ELAPOR2: variants seen among roughly 807,000 people sequenced by gnomAD.
ELAPOR2 encodes endosome/lysosome-associated apoptosis and autophagy regulator family member 2.
ELAPOR2 carries 89 observed loss-of-function variants against 120.7 expected under a neutral mutation model. The ratio of observed to expected loss-of-function variants is 0.74; its 90% CI spans 0.62 to 0.88. ELAPOR2 has a LOEUF of 0.88. ELAPOR2 is among the 40% of genes least tolerant of loss of function. ELAPOR2 has a pLI of 0.00. For synonymous variants in ELAPOR2, 444 were observed against 444.9 expected, an observed-to-expected ratio of 1.00 and a Z score of 0.03; for missense variants, 1,134 against 1,251.6, an observed-to-expected ratio of 0.91 and a Z score of 1.42.
At position 86,897,565 on chromosome 7, in the gene ELAPOR2, G is replaced by C; in HGVS notation, c.2626C>G (p.Pro876Ala). ...YFLWESAEAC[P>A]LCTEHDFHEI... Reference sequence around the variant, plus strand: ...TGGAAGTCATGCTCCGTACACAGAGGGCAAGCTTCAGCACTCTCCCACAGG... The same window carrying C: ...TGGAAGTCATGCTCCGTACACAGAGCGCAAGCTTCAGCACTCTCCCACAGG... Residue 876 changes from proline (P) to alanine (A), a missense_variant, in exon 19 of 22, where the codon CCT (proline) becomes GCT (alanine). Transcript: ENST00000450689. 1 of 1,613,148 alleles carries C rather than the reference G, an allele frequency of 6.2e-7. No individual in the cohort carries two copies. The highest frequency in any genetic ancestry group is 8.5e-7 in the Non-Finnish European group (1 of 1,179,402).
intron 1 of ELAPOR2, among the ~76,000 whole-genome samples, chr7:86,994,204 A>G (rs1304327847): frequency 6.6e-6 from 1 of 152,224 alleles, no homozygotes; most frequent in Non-Finnish European, 1.5e-5. Flanking sequence ...AGGGAAGGGC[A>G]AAAACATAAC....
chr7:86,932,479 A>G (rs1378308367), intron 8 of ELAPOR2, among the ~76,000 whole-genome samples: 1 of 151,880 alleles, frequency 6.6e-6, no homozygotes, highest in Non-Finnish European at 1.5e-5. Context: ...CATGTCCCAC[A>G]ATAGGAGGGT....
intron 1 of ELAPOR2, among the ~76,000 whole-genome samples, chr7:87,025,136 A>G (rs1287354966): frequency 2.0e-5 from 3 of 152,112 alleles, no homozygotes; most frequent in Non-Finnish European, 2.9e-5. Flanking sequence ...AATACTAAGT[A>G]TTTCATGCTA....
Position 86,897,492 on chromosome 7 carries a change from A to G in ELAPOR2, c.2685+14T>C, listed in dbSNP as rs745315174. 24 of 1,609,876 alleles carry G rather than the reference A, an allele frequency of 1.5e-5. No homozygotes were observed. Among genetic ancestry groups the G allele is most frequent in the Non-Finnish European group, 1.8e-5 (21 of 1,178,048 alleles). On this transcript the variant is annotated intron_variant, in intron 19 of 21. Transcript: ENST00000450689. The stretch of plus-strand genomic sequence containing the variant: ...TATAATGCCGAAGCTCTGCCTTGAG[A>G]GTTTATCCCTTACCTGAAATCCTCT...
In ELAPOR2 at chr7:87,008,200, A is replaced by G. The variant is rs1334114509; in HGVS notation, c.190-43176T>C. On this transcript the variant is annotated intron_variant, in intron 1 of 21. Coordinates refer to ENST00000450689, the MANE Select transcript of ELAPOR2 (RefSeq NM_001142749.3). ...AGAATACTACTGTGTTATTTGTGTC[A>G]AAAACATATAATGTCAATCTAATCG... Among the ~76,000 whole-genome samples, 2 of 152,214 alleles carry G rather than the reference A, an allele frequency of 1.3e-5. 1 individual carries two copies. Among genetic ancestry groups the G allele is most frequent in the Admixed American group, 1.3e-4 (2 of 15,280 alleles).
intron 18 of ELAPOR2, among the ~76,000 whole-genome samples, chr7:86,900,316 A>G (rs1788660408): frequency 6.6e-6 from 1 of 152,198 alleles, no homozygotes; most frequent in Non-Finnish European, 1.5e-5. Flanking sequence ...CACTCGAATG[A>G]TTATGTTTTC....
At chr7:87,013,480 C>T (rs1046155435) in intron 1 of ELAPOR2, among the ~76,000 whole-genome samples, 1 of 152,094 alleles carries the variant, frequency 6.6e-6, no homozygotes, top group East Asian at 1.9e-4. Context: ...TAACATGAGA[C>T]AGCAGATTAG....
At chr7:86,984,192 T>C (rs1329379396) in intron 1 of ELAPOR2, among the ~76,000 whole-genome samples, 2 of 152,104 alleles carry the variant, frequency 1.3e-5, no homozygotes, top group Non-Finnish European at 2.9e-5. Context: ...AAGCAAGTCC[T>C]TAGAAACTTA....
chr7:86,951,913 C>T (rs1791265531), intron 2 of ELAPOR2, among the ~76,000 whole-genome samples: 1 of 152,170 alleles, frequency 6.6e-6, no homozygotes, highest in Non-Finnish European at 1.5e-5. Flanking sequence ...AAAGGCATAG[C>T]ACAGCCCTCT....
chr7:86,999,091 T>C (rs918794824), intron 1 of ELAPOR2, among the ~76,000 whole-genome samples: 5 of 151,922 alleles, frequency 3.3e-5, no homozygotes, highest in Admixed American at 6.6e-5. Flanking sequence ...ACATATTTTA[T>C]AGCTGCAGAA....
chr7:86,923,622 A>G (rs1281375441), intron 10 of ELAPOR2, among the ~76,000 whole-genome samples: 1 of 152,016 alleles, frequency 6.6e-6, no homozygotes, highest in Non-Finnish European at 1.5e-5. Flanking sequence ...TATAATCCTC[A>G]TAAGTGGTAT....
chr7:86,986,656 T>C (rs1469576331), intron 1 of ELAPOR2, among the ~76,000 whole-genome samples: 1 of 150,292 alleles, frequency 6.7e-6, no homozygotes, highest in Non-Finnish European at 1.5e-5. Flanking sequence ...GAAGGACCTC[T>C]TCAAGGAGAA....
chr7:86,985,964 G>C (rs917320049), intron 1 of ELAPOR2, among the ~76,000 whole-genome samples: 1 of 151,826 alleles, frequency 6.6e-6, no homozygotes, highest in African/African-American at 2.4e-5. Flanking sequence ...ATACTGAATG[G>C]GCAAAAACTG....
At chr7:86,911,798 C>T in intron 15 of ELAPOR2, 1 of 551,302 alleles carries the variant, frequency 1.8e-6, no homozygotes, top group South Asian at 1.7e-5. Context: ...TTTATGAAAA[C>T]AAAACATCCT....
rs1793331382 is a variant in ELAPOR2, at chr7:87,001,926, G to GA, written c.190-36903dup. On this transcript the variant is annotated intron_variant, in intron 1 of 21. Transcript: ENST00000450689. ...GGGCCTTGTAGGGAGACTCAGTTAT[G>GA]AAAAATGAAGCTCTATTTTCCATGG... Among the ~76,000 whole-genome samples the GA allele has an allele frequency of 2.0e-5, 3 of 152,276 alleles. No homozygotes were observed. The South Asian group carries it at 6.2e-4, about 32-fold the overall frequency.
At chr7:86,906,410 GAGAA>G (rs1789018875) in intron 18 of ELAPOR2, among the ~76,000 whole-genome samples, 2 of 152,096 alleles carry the variant, frequency 1.3e-5, no homozygotes, top group African/African-American at 4.8e-5. Context: ...ATAGGTCTAT[GAGAA>G]GTGGAAACAC....
intron 1 of ELAPOR2, among the ~76,000 whole-genome samples, chr7:86,993,877 C>A (rs183198292): frequency 1.3e-5 from 2 of 152,326 alleles, no homozygotes; most frequent in East Asian, 1.9e-4. Flanking sequence ...TCACCACATA[C>A]AACACACACA....
At chr7:87,016,345 T>C (rs1006238587) in intron 1 of ELAPOR2, among the ~76,000 whole-genome samples, 13 of 151,942 alleles carry the variant, frequency 8.6e-5, no homozygotes, top group African/African-American at 3.1e-4. Context: ...CAAGACTCCA[T>C]CTCAAAAAAT....
intron 1 of ELAPOR2, among the ~76,000 whole-genome samples, chr7:87,048,749 T>C (rs1297178810): frequency 6.6e-6 from 1 of 152,278 alleles, no homozygotes; most frequent in East Asian, 1.9e-4. Flanking sequence ...CACATATATA[T>C]CTACTATGTA....
Sources: gnomAD v4.1 joint callset for allele counts (sites outside exome capture counted in the v4.1 genomes callset) on GRCh38, gnomAD v4.1.1 for gene constraint, MANE v1.5 for transcripts, NCBI Gene and HGNC (gene_info 2026-07-23, HGNC 2026-07-21) for gene names.